Variants in USP43 observed in about 807,000 individuals in gnomAD.
USP43 encodes the protein ubiquitin carboxyl-terminal hydrolase 43.
USP43 carries 33 observed loss-of-function variants against 90.7 expected under a neutral mutation model. The observed-to-expected ratio is 0.36, with a 90% confidence interval of 0.28 to 0.49. The LOEUF (loss-of-function observed/expected upper bound fraction) is 0.49, where lower values mean the gene tolerates loss of function less well. Ranked by LOEUF, USP43 falls within the 20% of genes least tolerant of loss-of-function variation. USP43 has a pLI of 0.98. For synonymous variants in USP43, 598 were observed against 615.8 expected, an observed-to-expected ratio of 0.97 and a Z score of 0.43; for missense variants, 1,274 against 1,476.4, an observed-to-expected ratio of 0.86 and a Z score of 2.25.
Position 9,693,300 on chromosome 17 carries a change from A to G in USP43, c.1457+70A>G, listed in dbSNP as rs1044599886. ...TATTTTACCAGAGTCCTTTGAGGGT[A>G]TATGTCAATGAGATTGCTCATAGTA... On this transcript the variant is annotated intron_variant, in intron 9 of 14. Coordinates refer to ENST00000285199, the MANE Select transcript of USP43 (RefSeq NM_153210.5). The G allele has an allele frequency of 5.5e-6, 7 of 1,269,170 alleles. No individual in the cohort carries two copies. In the Admixed American group the frequency reaches 6.0e-5, roughly 11 times the overall value. 78.6% of individuals were successfully genotyped at this position (1,269,170 alleles called of 1,614,324 possible).
chr17:9,680,486 T>C (rs1330181105), intron 6 of USP43, 120 bp downstream of exon 6: 3 of 1,175,794 alleles, frequency 2.6e-6, no homozygotes, highest in East Asian at 4.7e-5. Context: ...GTCAGACTTA[T>C]TATCCCTGGC....
chr17:9,723,731 G>A (rs935362346), intron 14 of USP43, among the ~76,000 whole-genome samples: 6 of 151,086 alleles, frequency 4.0e-5, no homozygotes, highest in African/African-American at 1.5e-4. Flanking sequence ...TTACAGGTGC[G>A]CACCACCACA....
chr17:9,645,954 A>G lies in USP43; in HGVS notation c.322A>G (p.Asn108Asp). 6.8e-7 allele frequency: 1 copy of G among 1,478,978 alleles called. No homozygotes were observed. 91.6% of individuals were successfully genotyped at this position (1,478,978 alleles called of 1,614,324 possible). A position where few individuals can be genotyped will look rare whatever the true frequency, so the allele number is the denominator to read the frequency against. Residue 108 changes from asparagine (N) to aspartate (D), a missense_variant, in exon 1 of 15, where the codon AAC (asparagine) becomes GAC (aspartate). Physicochemically the swap from Asn to Asp is conservative, Grantham distance 23. Around this residue, in one of 6 missense-constraint regions of USP43, gnomAD observed 259 missense variants for 373.7 expected, o/e 0.69. Transcript: ENST00000285199. This position sits in a 1 kb window ranked among gnomAD's most constrained non-coding sequence, Gnocchi z 6.8. ...CGCTCAGGGCTTGAAGAACCACGGC[A>G]ACACCTGTTTCATGAACGCGGTGGT... ...PGAQGLKNHG[N>D]TCFMNAVVQC...
At chr17:9,661,026 C>G (rs551811794) in intron 2 of USP43, among the ~76,000 whole-genome samples, 1 of 152,128 alleles carries the variant, frequency 6.6e-6, no homozygotes, top group South Asian at 2.1e-4. Context: ...TTTTTTTTCT[C>G]TTTGAGGTTA....
At chr17:9,725,506 C>T (rs552336219) in intron 14 of USP43, among the ~76,000 whole-genome samples, 1 of 152,314 alleles carries the variant, frequency 6.6e-6, no homozygotes, top group South Asian at 2.1e-4. Flanking sequence ...GTGGGGGCCT[C>T]TTATTCCCTT....
intron 3 of USP43, among the ~76,000 whole-genome samples, chr17:9,667,608 G>C (rs1036183883): frequency 6.6e-6 from 1 of 152,176 alleles, no homozygotes; most frequent in African/African-American, 2.4e-5. Flanking sequence ...GAGGAAGTGT[G>C]CCTTTTGTTG....
rs761587987 is a variant in USP43, at chr17:9,728,703, G to A, written c.3085G>A (p.Gly1029Arg). 46 of 1,606,116 alleles carry A rather than the reference G, an allele frequency of 2.9e-5. No homozygotes were observed. In the Middle Eastern group the frequency reaches 4.9e-4, roughly 17 times the overall value. ...QVPPVSLVSG[G>R]LSPAMDGQAP... ...GCCCCCCGTCTCCCTGGTGAGTGGC[G>A]GGCTGAGCCCTGCCATGGACGGGCA... The change falls in exon 15 of 15, where the codon GGG (glycine) becomes AGG (arginine). Residue 1029 changes from glycine (G) to arginine (R), a missense_variant. Gly to Arg is a moderately radical substitution (Grantham distance 125). This residue lies in a region of USP43 where 353 missense variants were observed against 329.7 expected (regional missense o/e 1.07). Transcript: ENST00000285199. The surrounding 1 kb of genome is among the most constrained non-coding windows in gnomAD (Gnocchi z 6.2).
intron 8 of USP43, among the ~76,000 whole-genome samples, chr17:9,687,581 G>A (rs1914666053): frequency 6.6e-6 from 1 of 152,140 alleles, no homozygotes; most frequent in Non-Finnish European, 1.5e-5. Context: ...AAACTATTCT[G>A]ATGGTTGCTT....
chr17:9,681,462 TTATATATATATATATATATATATATA>T (rs1184883523), intron 6 of USP43, among the ~76,000 whole-genome samples: 29 of 18,580 alleles, frequency 1.6e-3, no homozygotes, highest in Non-Finnish European at 2.2e-3. Flanking sequence ...ATAAAATATA[TTATATATATATATATATATATATATA>T]TATATATATA....
At chr17:9,652,412 A>G (rs576508405) in intron 1 of USP43, among the ~76,000 whole-genome samples, 2 of 150,036 alleles carry the variant, frequency 1.3e-5, no homozygotes, top group East Asian at 3.9e-4. Context: ...CCCAGGCTGG[A>G]GTGCAGTGGC....
At chr17:9,661,109 G>T (rs117414425) in intron 2 of USP43, among the ~76,000 whole-genome samples, 1 of 152,110 alleles carries the variant, frequency 6.6e-6, no homozygotes, top group Non-Finnish European at 1.5e-5. Flanking sequence ...CATAAGGGCC[G>T]CTTTCTTTTC....
intron 2 of USP43, among the ~76,000 whole-genome samples, chr17:9,664,890 G>C (rs2151967399): frequency 6.6e-6 from 1 of 152,282 alleles, no homozygotes; most frequent in African/African-American, 2.4e-5. Flanking sequence ...ACCCACCTCG[G>C]TCTCCCAAAG....
chr17:9,723,857 C>T (rs1917109126), intron 14 of USP43, among the ~76,000 whole-genome samples: 2 of 152,192 alleles, frequency 1.3e-5, no homozygotes, highest in East Asian at 3.9e-4. Flanking sequence ...GATCCACCCG[C>T]CTCGGCCTCC....
chr17:9,645,597 G>A lies in USP43; in HGVS notation c.-36G>A, dbSNP rs1911314683. On this transcript the variant is annotated 5_prime_UTR_variant, in exon 1 of 15. Coordinates refer to ENST00000285199, the MANE Select transcript of USP43 (RefSeq NM_153210.5). The surrounding 1 kb of genome is among the most constrained non-coding windows in gnomAD (Gnocchi z 6.8). ...CTGGCCGCTCGTCCGCCTCGCGCCC[G>A]GGGGCTCCGCGCCTGGAGCTGCGCC... is the stretch of plus-strand genomic sequence containing the variant. The A allele has an allele frequency of 2.5e-6, 3 of 1,180,562 alleles. No individual in the cohort carries two copies. Among genetic ancestry groups the A allele is most frequent in the Non-Finnish European group, 3.1e-6 (3 of 955,512 alleles). The allele number at this position is 1,180,562 out of a possible 1,614,324, so 73.1% of individuals were successfully genotyped here. A position where few individuals can be genotyped will look rare whatever the true frequency, so the allele number is the denominator to read the frequency against.
At chr17:9,715,763 GTGTTTGTGTCTA>G (rs1330481290) in intron 14 of USP43, among the ~76,000 whole-genome samples, 10 of 145,212 alleles carry the variant, frequency 6.9e-5, no homozygotes, top group African/African-American at 2.7e-4. Context: ...ATGTGTCTGC[GTGTTTGTGTCTA>G]TGTGTGTGTC....
At chr17:9,665,103 G>T (rs1382107119) in intron 2 of USP43, among the ~76,000 whole-genome samples, 1 of 152,100 alleles carries the variant, frequency 6.6e-6, no homozygotes, top group East Asian at 1.9e-4. Context: ...ATGGGCAGGG[G>T]GTGAAGAATA....
intron 9 of USP43, 76 bp from the exon 10 acceptor site, chr17:9,700,096 G>C (rs1915485803): frequency 7.4e-7 from 1 of 1,358,964 alleles, no homozygotes; most frequent in African/African-American, 1.5e-5. Context: ...GGGTTGTGGG[G>C]GAGACTGCTG....
intron 14 of USP43, among the ~76,000 whole-genome samples, chr17:9,719,543 C>T: frequency 6.6e-6 from 1 of 152,160 alleles, no homozygotes; most frequent in Non-Finnish European, 1.5e-5. Context: ...CCAGTCGCAC[C>T]TAGTTGTAAA....
At position 9,680,214 on chromosome 17, in the gene USP43, G is replaced by T. The variant is rs369676163; in HGVS notation, c.970-17G>T. ...TCTTTCAGAAATCAAGAGGGAAAATGATCTTTCTCATTTCAGGTGATCTTG... is the reference window on the plus strand; with the variant it reads ...TCTTTCAGAAATCAAGAGGGAAAATTATCTTTCTCATTTCAGGTGATCTTG... On this transcript the variant is annotated splice_polypyrimidine_tract_variant and intron_variant, in intron 5 of 14. Transcript: ENST00000285199. The T allele has an allele frequency of 2.9e-5, 46 of 1,609,158 alleles. No homozygotes were observed. The highest frequency in any genetic ancestry group is 3.7e-5 in the Non-Finnish European group (44 of 1,177,032).
Sources: allele counts gnomAD v4.1 joint callset (sites outside exome capture counted in the v4.1 genomes callset), GRCh38; gene constraint gnomAD v4.1.1; regional missense constraint gnomAD v4.1.1; non-coding constraint Gnocchi (gnomAD v3.1); transcripts MANE v1.5; gene names NCBI Gene and HGNC (gene_info 2026-07-23, HGNC 2026-07-21).